Variants in PDC observed in about 807,000 individuals in gnomAD.
PDC encodes the protein phosducin, also known as 33 kDa phototransducing protein.
In PDC, 19 loss-of-function variants were observed where a neutral mutation model predicts 22.2. That is an observed-to-expected ratio of 0.86 (90% CI 0.60 to 1.26). The LOEUF (loss-of-function observed/expected upper bound fraction) is 1.26. Among genes scored for constraint, PDC ranks in the 50% most tolerant of loss-of-function variants. The pLI, the probability that PDC is intolerant of heterozygous loss-of-function variation, is 0.00. For synonymous variants in PDC, 97 were observed against 96.2 expected, an observed-to-expected ratio of 1.01 and a Z score of -0.05; for missense variants, 274 against 286.8, an observed-to-expected ratio of 0.96 and a Z score of 0.32.
chr1:186,457,115 T>A (rs1197633435), intron 1 of PDC, among the ~76,000 whole-genome samples: 1 of 152,206 alleles, frequency 6.6e-6, no homozygotes, highest in African/African-American at 2.4e-5. Context: ...CTAAGGTGAC[T>A]GTGAGCTAAT....
chr1:186,449,416 C>T lies in PDC; in HGVS notation c.44G>A (p.Gly15Glu). The T allele has an allele frequency of 6.2e-7, 1 of 1,606,368 alleles. No homozygotes were observed. Among genetic ancestry groups the T allele is most frequent in the Non-Finnish European group, 8.5e-7 (1 of 1,174,468 alleles). ...KSQSLEEDFE[G>E]QATHTGPKGV... ...TTGCTTGCCTGTATGTGTGGCCTGT[C>T]CTTCAAAGTCTTCCTCCAAACTTTG... The change falls in exon 2 of 4, where the codon GGA becomes GAA. Residue 15 changes from glycine to glutamate, a missense_variant. Physicochemically the swap from Gly to Glu is moderately conservative, Grantham distance 98. Coordinates refer to ENST00000391997, the MANE Select transcript of PDC (RefSeq NM_002597.5).
chr1:186,454,631 T>C (rs1662420471), intron 1 of PDC, among the ~76,000 whole-genome samples: 1 of 152,228 alleles, frequency 6.6e-6, no homozygotes, highest in South Asian at 2.1e-4. Flanking sequence ...AAGTGTAATA[T>C]GCAGTATGCA....
intron 1 of PDC, among the ~76,000 whole-genome samples, 182 bp from the exon 2 acceptor site, chr1:186,449,665 C>T (rs1382411618): frequency 6.6e-6 from 1 of 151,952 alleles, no homozygotes; most frequent in South Asian, 2.1e-4. Context: ...TGTTTCTGTC[C>T]GCAATGTAAA....
intron 1 of PDC, among the ~76,000 whole-genome samples, chr1:186,450,537 T>A (rs1662332573): frequency 6.6e-6 from 1 of 152,104 alleles, no homozygotes; most frequent in Admixed American, 6.6e-5. Flanking sequence ...TTTGGTATGT[T>A]GCCCAGGCTA....
intron 1 of PDC, among the ~76,000 whole-genome samples, chr1:186,458,232 T>TA (rs1558133408): frequency 7.2e-6 from 1 of 139,776 alleles, no homozygotes; most frequent in Non-Finnish European, 1.6e-5. Flanking sequence ...TATTCTTTTT[T>TA]TTTTTTTTTT....
intron 1 of PDC, among the ~76,000 whole-genome samples, chr1:186,457,986 T>A (rs1342089833): frequency 6.6e-6 from 1 of 152,160 alleles, no homozygotes; most frequent in Non-Finnish European, 1.5e-5. Flanking sequence ...GTTTCTACCC[T>A]ACTCAAATAG....
chr1:186,457,264 A>G (rs186699809), intron 1 of PDC, among the ~76,000 whole-genome samples: 1 of 152,314 alleles, frequency 6.6e-6, no homozygotes, highest in Admixed American at 6.5e-5. Context: ...TTCTTGTTAA[A>G]ATAAATTATC....
At chr1:186,454,168 C>CTTTTTTTTTTTTTTTTTTTTTTTT (rs397860509) in intron 1 of PDC, among the ~76,000 whole-genome samples, 10 of 94,212 alleles carry the variant, frequency 1.1e-4, no homozygotes, top group East Asian at 3.5e-4. Context: ...TCTTTTCTTT[C>CTTTTTTTTTTTTTTTTTTTTTTTT]TTTTTTTTTT....
At chr1:186,449,049 T>C (rs1231105179) in intron 2 of PDC, among the ~76,000 whole-genome samples, 1 of 152,086 alleles carries the variant, frequency 6.6e-6, no homozygotes, top group Non-Finnish European at 1.5e-5. Flanking sequence ...TATTAACCTT[T>C]TGGTCTAATC....
chr1:186,444,145 T>C lies in PDC; in HGVS notation c.575A>G (p.Tyr192Cys), dbSNP rs762341639. The C allele has an allele frequency of 2.4e-5, 38 of 1,613,840 alleles. No individual in the cohort carries two copies. The highest frequency in any genetic ancestry group is 3.1e-5 in the Non-Finnish European group (37 of 1,179,870). The change falls in exon 4 of 4, where the codon TAT (tyrosine) becomes TGT (cysteine). Residue 192 changes from tyrosine to cysteine, a missense_variant. Physicochemically the swap from Tyr to Cys is radical, Grantham distance 194 (BLOSUM62 -2). Coordinates refer to ENST00000391997, the MANE Select transcript of PDC (RefSeq NM_002597.5). ...SLDVLPTLLI[Y>C]KGGELISNFI... is the part of the protein sequence containing the mutation. ...ATTGCTTATGAGTTCCCCACCTTTA[T>C]AGATGAGCAGTGTAGGAAGTACATC...
intron 1 of PDC, among the ~76,000 whole-genome samples, chr1:186,458,316 G>A (rs72713781): frequency 0.21 from 31,243 of 147,160 alleles, 4,058 homozygotes; most frequent in East Asian, 0.35. Context: ...GTGGCATCTG[G>A]GACAAAAAAT....
At chr1:186,454,171 T>C (rs1455645216) in intron 1 of PDC, among the ~76,000 whole-genome samples, 1 of 132,530 alleles carries the variant, frequency 7.5e-6, no homozygotes, top group South Asian at 2.4e-4. Flanking sequence ...TTTCTTTCTT[T>C]TTTTTTTTTT....
At chr1:186,453,987 C>G (rs927340625) in intron 1 of PDC, among the ~76,000 whole-genome samples, 1 of 151,864 alleles carries the variant, frequency 6.6e-6, no homozygotes, top group Non-Finnish European at 1.5e-5. Context: ...CCAAAGAAGC[C>G]GACCTAATTT....
chr1:186,446,080 C>A (rs963545211), intron 3 of PDC, among the ~76,000 whole-genome samples: 7 of 152,270 alleles, frequency 4.6e-5, no homozygotes, highest in Non-Finnish European at 1.0e-4. Context: ...TAGTATTTTA[C>A]ATGTTTCAAA....
At chr1:186,459,921 GAAA>G (rs5779292) in intron 1 of PDC, among the ~76,000 whole-genome samples, 3 of 140,520 alleles carry the variant, frequency 2.1e-5, no homozygotes, top group African/African-American at 7.6e-5. Context: ...AAACAAAATA[GAAA>G]AAAAAAAACC....
At chr1:186,447,846 A>G (rs1662268114) in intron 2 of PDC, among the ~76,000 whole-genome samples, 1 of 148,624 alleles carries the variant, frequency 6.7e-6, no homozygotes, top group African/African-American at 2.4e-5. Context: ...ACATGTGTGT[A>G]TGTTTGTTTA....
At chr1:186,456,888 T>C (rs1482528943) in intron 1 of PDC, among the ~76,000 whole-genome samples, 2 of 152,216 alleles carry the variant, frequency 1.3e-5, no homozygotes, top group Admixed American at 6.5e-5. Flanking sequence ...ACCTGGCACA[T>C]ACTATGCTTT....
At chr1:186,456,120 G>C (rs1211518769) in intron 1 of PDC, among the ~76,000 whole-genome samples, 1 of 147,184 alleles carries the variant, frequency 6.8e-6, no homozygotes, top group Non-Finnish European at 1.5e-5. Flanking sequence ...GAAAATAATA[G>C]TATTCTATAC....
At chr1:186,455,202 T>A (rs2102136696) in intron 1 of PDC, among the ~76,000 whole-genome samples, 1 of 152,316 alleles carries the variant, frequency 6.6e-6, no homozygotes, top group Non-Finnish European at 1.5e-5. Flanking sequence ...GGCTTGCAGA[T>A]GGCTGCCTTC....
Sources: allele counts gnomAD v4.1 joint callset (sites outside exome capture counted in the v4.1 genomes callset), GRCh38; gene constraint gnomAD v4.1.1; transcripts MANE v1.5; gene names NCBI Gene and HGNC (gene_info 2026-07-23, HGNC 2026-07-21).